Variants in GAB2 observed in about 807,000 individuals in gnomAD.
The protein encoded by GAB2 is GRB2 associated binding protein 2.
Under a neutral mutation model 65.5 loss-of-function variants are expected in GAB2, and 26 were observed. That is an observed-to-expected ratio of 0.40 (90% CI 0.29 to 0.55). GAB2 has a LOEUF of 0.55. Among genes scored for constraint, GAB2 ranks in the 20% least tolerant of loss-of-function variants. GAB2 has a pLI of 0.53. For synonymous variants in GAB2, 321 were observed against 329.6 expected, an observed-to-expected ratio of 0.97 and a Z score of 0.28; for missense variants, 884 against 875.8, an observed-to-expected ratio of 1.01 and a Z score of -0.12.
intron 8 of GAB2, 101 bp downstream of exon 8, chr11:78,221,576 C>T (rs1864424878): frequency 1.6e-6 from 1 of 635,084 alleles, no homozygotes; most frequent in South Asian, 2.1e-5. Context: ...ACAAGGAGTC[C>T]CTGGGCTGAG....
intron 1 of GAB2, among the ~76,000 whole-genome samples, chr11:78,307,636 T>A (rs1465460407): frequency 1.0e-5 from 1 of 98,736 alleles, no homozygotes; most frequent in South Asian, 3.5e-4. Flanking sequence ...GAGAGAGAGA[T>A]GTTGAGTCAA....
intron 3 of GAB2, among the ~76,000 whole-genome samples, chr11:78,248,850 T>C (rs1865367515): frequency 6.6e-6 from 1 of 152,318 alleles, no homozygotes; most frequent in East Asian, 1.9e-4. Flanking sequence ...ACACTGCCTA[T>C]CTCTGGTTAG....
At chr11:78,255,030 G>C (rs763176875) in intron 2 of GAB2, among the ~76,000 whole-genome samples, 1 of 151,934 alleles carries the variant, frequency 6.6e-6, no homozygotes, top group Non-Finnish European at 1.5e-5. Flanking sequence ...TGAAAATAGC[G>C]TCTCTGTACA....
chr11:78,405,244 GC>G (rs1484806926), intron 1 of GAB2, among the ~76,000 whole-genome samples: 3 of 151,992 alleles, frequency 2.0e-5, no homozygotes, highest in African/African-American at 7.3e-5. Context: ...AACTACAGGT[GC>G]CTGCCACCAC....
At chr11:78,324,479 G>A (rs1476851917) in intron 1 of GAB2, among the ~76,000 whole-genome samples, 1 of 152,194 alleles carries the variant, frequency 6.6e-6, no homozygotes, top group East Asian at 1.9e-4. Context: ...GTAAATTAGA[G>A]CAGAGGAAAA....
intron 3 of GAB2, among the ~76,000 whole-genome samples, chr11:78,246,755 T>C (rs1044211147): frequency 3.3e-5 from 5 of 152,104 alleles, no homozygotes; most frequent in African/African-American, 1.2e-4. Flanking sequence ...CACCTCAGCC[T>C]CCCAAAGTGC....
chr11:78,381,116 T>C (rs574803119), intron 1 of GAB2, among the ~76,000 whole-genome samples: 1 of 152,334 alleles, frequency 6.6e-6, no homozygotes, highest in East Asian at 1.9e-4. Context: ...AGGTTGACAA[T>C]ACCAAATTAT....
intron 2 of GAB2, among the ~76,000 whole-genome samples, chr11:78,258,953 CAG>C (rs1391103994): frequency 6.6e-6 from 1 of 152,034 alleles, no homozygotes; most frequent in East Asian, 1.9e-4. Context: ...GTTTGATGTA[CAG>C]ATTATTTCAT....
chr11:78,268,782 G>A (rs779984557), intron 2 of GAB2, among the ~76,000 whole-genome samples: 4 of 150,180 alleles, frequency 2.7e-5, no homozygotes, highest in Non-Finnish European at 5.9e-5. Context: ...GACTTAGAAC[G>A]AAGAGAATAG....
At chr11:78,292,402 G>T (rs1263457337) in intron 1 of GAB2, among the ~76,000 whole-genome samples, 1 of 152,216 alleles carries the variant, frequency 6.6e-6, no homozygotes, top group African/African-American at 2.4e-5. Flanking sequence ...AGTCATCAAA[G>T]AAGAGTTCTG....
At chr11:78,317,016 A>C (rs1164544807) in intron 1 of GAB2, among the ~76,000 whole-genome samples, 2 of 152,236 alleles carry the variant, frequency 1.3e-5, no homozygotes, top group Non-Finnish European at 2.9e-5. Context: ...GCATTAAGCT[A>C]AGTGAAATAA....
chr11:78,388,963 C>T (rs913164546), intron 1 of GAB2, among the ~76,000 whole-genome samples: 4 of 152,178 alleles, frequency 2.6e-5, no homozygotes, highest in African/African-American at 9.7e-5. Flanking sequence ...CAGAAAAGAT[C>T]TTTCTCCTAG....
At chr11:78,274,965 C>T (rs529528141) in intron 2 of GAB2, among the ~76,000 whole-genome samples, 10 of 152,298 alleles carry the variant, frequency 6.6e-5, no homozygotes, top group South Asian at 4.1e-4. Context: ...TGGGTCAAAT[C>T]GTTGTTGTTT....
chr11:78,259,528 A>G (rs1342631305), intron 2 of GAB2, among the ~76,000 whole-genome samples: 6 of 152,242 alleles, frequency 3.9e-5, no homozygotes, highest in Non-Finnish European at 8.8e-5. Context: ...CCAAAGCTCC[A>G]GGTCACTTTT....
intron 1 of GAB2, among the ~76,000 whole-genome samples, chr11:78,330,452 G>T (rs946868145): frequency 6.6e-6 from 1 of 152,104 alleles, no homozygotes; most frequent in African/African-American, 2.4e-5. Context: ...CCTTACTTTG[G>T]GCCAAGCACT....
At chr11:78,252,985 T>A (rs1352520815) in intron 2 of GAB2, among the ~76,000 whole-genome samples, 7 of 150,746 alleles carry the variant, frequency 4.6e-5, no homozygotes, top group Non-Finnish European at 1.5e-5. Context: ...ATACCTCAGA[T>A]GACTTACAAA....
At chr11:78,301,408 C>A (rs888750716) in intron 1 of GAB2, among the ~76,000 whole-genome samples, 2 of 149,436 alleles carry the variant, frequency 1.3e-5, no homozygotes, top group Non-Finnish European at 2.9e-5. Flanking sequence ...GGGCTCACTG[C>A]AACCTCTGCC....
intron 1 of GAB2, among the ~76,000 whole-genome samples, chr11:78,352,796 G>A (rs987237314): frequency 1.3e-5 from 2 of 152,184 alleles, no homozygotes; most frequent in African/African-American, 4.8e-5. Flanking sequence ...CTGAAAGAAT[G>A]CTGAAACTTC....
intron 1 of GAB2, among the ~76,000 whole-genome samples, chr11:78,351,404 A>G (rs145466985): frequency 0.011 from 1,685 of 152,244 alleles, 27 homozygotes; most frequent in African/African-American, 0.038. Context: ...CCCTTTCATC[A>G]GGCACCTCTC....
Sources: gnomAD v4.1 joint callset for allele counts (sites outside exome capture counted in the v4.1 genomes callset) on GRCh38, gnomAD v4.1.1 for gene constraint, MANE v1.5 for transcripts, NCBI Gene and HGNC (gene_info 2026-07-23, HGNC 2026-07-21) for gene names.